Variants in NREP observed in about 807,000 individuals in gnomAD.
The protein encoded by NREP is neuronal regeneration related protein.
Under a neutral mutation model 8.6 loss-of-function variants are expected in NREP, and 5 were observed. The ratio of observed to expected loss-of-function variants is 0.58; its 90% CI spans 0.30 to 1.22. The LOEUF (loss-of-function observed/expected upper bound fraction) is 1.22, where lower values mean the gene tolerates loss of function less well. NREP is among the 50% of genes most tolerant of loss of function. The pLI is 0.07. For synonymous variants in NREP, 27 were observed against 28.0 expected, an observed-to-expected ratio of 0.96 and a Z score of 0.11; for missense variants, 86 against 82.5, an observed-to-expected ratio of 1.04 and a Z score of -0.17.
At chr5:111,929,684 C>T (rs963414777) in intron 2 of NREP, among the ~76,000 whole-genome samples, 22 of 152,230 alleles carry the variant, frequency 1.4e-4, no homozygotes, top group African/African-American at 5.1e-4. Context: ...CTGGCAAAAT[C>T]CTTAGGGAAC....
At chr5:111,748,255 T>C (rs1164416194) in intron 2 of NREP, among the ~76,000 whole-genome samples, 1 of 152,152 alleles carries the variant, frequency 6.6e-6, no homozygotes, top group Non-Finnish European at 1.5e-5. Flanking sequence ...CCCCCTTACT[T>C]CCCAAACATT....
intron 1 of NREP, among the ~76,000 whole-genome samples, chr5:111,976,040 A>G (rs904304369): frequency 8.5e-5 from 13 of 152,186 alleles, no homozygotes; most frequent in Non-Finnish European, 1.5e-4. Context: ...ATGATAATTG[A>G]AAGAAACCCC....
chr5:111,845,278 T>C (rs949405442), intron 2 of NREP, among the ~76,000 whole-genome samples: 12 of 18,084 alleles, frequency 6.6e-4, no homozygotes, highest in Admixed American at 1.4e-3. Context: ...TCAATGCATC[T>C]TTTTTTTTTT....
intron 2 of NREP, among the ~76,000 whole-genome samples, chr5:111,968,138 TTAGTA>T (rs1033525377): frequency 4.7e-4 from 72 of 152,124 alleles, no homozygotes; most frequent in African/African-American, 1.7e-3. Flanking sequence ...AAAGGTCTAA[TTAGTA>T]TAGTTTTTTT....
At chr5:111,800,382 G>T (rs73223679) in intron 2 of NREP, among the ~76,000 whole-genome samples, 7,012 of 152,266 alleles carry the variant, frequency 0.046, 526 homozygotes, top group African/African-American at 0.16. Flanking sequence ...TCACTGACAG[G>T]GCCAGCTTCA....
intron 2 of NREP, among the ~76,000 whole-genome samples, chr5:111,836,159 A>G (rs1372497272): frequency 6.6e-6 from 1 of 152,148 alleles, no homozygotes; most frequent in African/African-American, 2.4e-5. Context: ...AGAGTTTGCA[A>G]TCTAGTTCAG....
At chr5:111,800,225 G>A (rs1006071019) in intron 2 of NREP, among the ~76,000 whole-genome samples, 1 of 152,144 alleles carries the variant, frequency 6.6e-6, no homozygotes, top group East Asian at 1.9e-4. Flanking sequence ...ACCACACACG[G>A]TTTGAAATGT....
At chr5:111,781,909 C>G (rs996924431) in intron 2 of NREP, among the ~76,000 whole-genome samples, 8 of 151,746 alleles carry the variant, frequency 5.3e-5, no homozygotes, top group Non-Finnish European at 1.0e-4. Flanking sequence ...AGTGGCTTGA[C>G]ACACTGATTC....
At chr5:111,937,838 C>T (rs1755725346) in intron 2 of NREP, among the ~76,000 whole-genome samples, 1 of 152,076 alleles carries the variant, frequency 6.6e-6, no homozygotes, top group Non-Finnish European at 1.5e-5. Flanking sequence ...TCACAGGGTA[C>T]TGGACCCAAC....
At chr5:111,749,443 C>A (rs915111710) in intron 2 of NREP, among the ~76,000 whole-genome samples, 1 of 151,942 alleles carries the variant, frequency 6.6e-6, no homozygotes, top group Non-Finnish European at 1.5e-5. Flanking sequence ...AAAAAAAAAT[C>A]CCTCTTGGAC....
chr5:111,884,659 G>C (rs1055625888), intron 2 of NREP, among the ~76,000 whole-genome samples: 36 of 152,142 alleles, frequency 2.4e-4, no homozygotes, highest in Non-Finnish European at 5.0e-4. Context: ...GGGATGCAAG[G>C]CTGGTTCAAT....
rs1437360084 is a variant in NREP at position 111,753,408 on chromosome 5, T to C, written c.3+2362A>G. Among the ~76,000 whole-genome samples, 6 of 148,288 alleles carry C rather than the reference T, an allele frequency of 4.0e-5. No individual in the cohort carries two copies. In the East Asian group the frequency reaches 9.7e-4, roughly 24 times the overall value. ...AGATTATATATATATTTTATAGATA[T>C]ATAAATGATACAGAAGGGACTCGAG... On this transcript the variant is annotated intron_variant, in intron 2 of 3. Coordinates refer to ENST00000257435, the MANE Select transcript of NREP (RefSeq NM_004772.4).
chr5:111,798,404 AGGT>A (rs1454141011), intron 2 of NREP, among the ~76,000 whole-genome samples: 7 of 152,064 alleles, frequency 4.6e-5, no homozygotes, highest in African/African-American at 1.4e-4. Flanking sequence ...TTTGGGGAAC[AGGT>A]GGTATTTGGT....
At chr5:111,946,152 A>C (rs1029340571) in intron 2 of NREP, among the ~76,000 whole-genome samples, 2 of 151,882 alleles carry the variant, frequency 1.3e-5, no homozygotes, top group Non-Finnish European at 2.9e-5. Context: ...CTAATAATAT[A>C]GAGTTGCCAA....
intron 2 of NREP, among the ~76,000 whole-genome samples, chr5:111,818,046 T>C: frequency 6.6e-6 from 1 of 152,128 alleles, no homozygotes; most frequent in Middle Eastern, 3.2e-3. Context: ...AATTAATTAT[T>C]ATGGTATACC....
chr5:111,937,401 TAATGGTCTCTTTCC>T (rs1755713561), intron 2 of NREP, among the ~76,000 whole-genome samples: 3 of 152,096 alleles, frequency 2.0e-5, no homozygotes, highest in Admixed American at 2.0e-4. Context: ...GAATGCTTTT[TAATGGTCTCTTTCC>T]AAGTATGAAG....
intron 2 of NREP, among the ~76,000 whole-genome samples, chr5:111,879,819 G>C (rs1412060661): frequency 2.0e-5 from 3 of 152,140 alleles, no homozygotes; most frequent in Non-Finnish European, 1.5e-5. Context: ...ATGGCAGGGA[G>C]AGAAAGAAAG....
Position 111,744,395 on chromosome 5 carries a change from C to CAGAATTCTTACCAGATA in NREP, c.4-8889_4-8888insTATCTGGTAAGAATTCT, listed in dbSNP as rs761469913. 2.5e-3 allele frequency among the ~76,000 whole-genome samples: 387 copies of CAGAATTCTTACCAGATA among 152,022 alleles called. 1 individual carries two copies. Among genetic ancestry groups the CAGAATTCTTACCAGATA allele is most frequent in the Middle Eastern group, 0.014 (4 of 294 alleles). ...TAAAATTGGTGTAAATCACAGGGTA[C>CAGAATTCTTACCAGATA]AGAATTCTTATCTGGTAAGAATTCT... On this transcript the variant is annotated intron_variant, in intron 2 of 3. Coordinates refer to ENST00000257435, the MANE Select transcript of NREP (RefSeq NM_004772.4).
At chr5:111,734,173 C>G (rs990035506) in intron 3 of NREP, 1 of 152,572 alleles carries the variant, frequency 6.6e-6, no homozygotes, top group Non-Finnish European at 1.5e-5. Context: ...TCTTGCCCCT[C>G]TGGTTTATGT....
Sources: gnomAD v4.1 joint callset for allele counts (sites outside exome capture counted in the v4.1 genomes callset) on GRCh38, gnomAD v4.1.1 for gene constraint, MANE v1.5 for transcripts, NCBI Gene and HGNC (gene_info 2026-07-23, HGNC 2026-07-21) for gene names.